Variants in AFF1 observed in about 807,000 individuals in gnomAD.
The protein encoded by AFF1 is AF4/FMR2 family member 1.
In AFF1, 48 loss-of-function variants were observed where a neutral mutation model predicts 121.7. The observed-to-expected ratio is 0.39, with a 90% CI of 0.31 to 0.50. The LOEUF (loss-of-function observed/expected upper bound fraction) is 0.50. Among genes scored for constraint, AFF1 ranks in the 20% least tolerant of loss-of-function variants. The pLI is 0.76. For missense variants in AFF1, 1,523 were observed against 1,511.7 expected, an observed-to-expected ratio of 1.01 and a Z score of -0.12; for synonymous variants, 613 against 563.0, an observed-to-expected ratio of 1.09 and a Z score of -1.26.
At chr4:87,129,439 G>A (rs183297227) in intron 16 of AFF1, among the ~76,000 whole-genome samples, 10 of 152,332 alleles carry the variant, frequency 6.6e-5, no homozygotes, top group Non-Finnish European at 8.8e-5. Flanking sequence ...AAAGGAAATG[G>A]ATATTGACAA....
intron 4 of AFF1, among the ~76,000 whole-genome samples, chr4:87,065,378 A>C (rs1205764166): frequency 6.6e-6 from 1 of 152,114 alleles, no homozygotes; most frequent in East Asian, 1.9e-4. Flanking sequence ...CCCTCCCACA[A>C]CACATGGGAA....
At chr4:87,031,157 G>T (rs77292061) in intron 2 of AFF1, among the ~76,000 whole-genome samples, 6,807 of 152,236 alleles carry the variant, frequency 0.045, 495 homozygotes, top group African/African-American at 0.15. Context: ...TCCCCACAGA[G>T]TATCAGGCAT....
chr4:87,108,904 AC>A (rs754717663), intron 11 of AFF1, among the ~76,000 whole-genome samples: 4 of 152,116 alleles, frequency 2.6e-5, no homozygotes, highest in Non-Finnish European at 5.9e-5. Context: ...CTTGTCACCC[AC>A]CCTCAGGAGA....
chr4:87,094,703 A>G lies in AFF1; in HGVS notation c.1229-212A>G, dbSNP rs74342763. Among the ~76,000 whole-genome samples the G allele has an allele frequency of 7.0e-3, 1,072 of 152,336 alleles. 14 individuals carry two copies. Among genetic ancestry groups the G allele is most frequent in the African/African-American group, 0.025 (1,026 of 41,562 alleles). On this transcript the variant is annotated intron_variant, in intron 7 of 20. Transcript: ENST00000395146. ...TCATAGGTAGGGTATGCTGCAAGCAATGATTTTCAGTGTTTTTGGCCTATT... is the reference window on the plus strand; with the variant it reads ...TCATAGGTAGGGTATGCTGCAAGCAGTGATTTTCAGTGTTTTTGGCCTATT...
At chr4:87,004,247 T>A (rs1400630874) in intron 2 of AFF1, among the ~76,000 whole-genome samples, 1 of 152,012 alleles carries the variant, frequency 6.6e-6, no homozygotes, top group African/African-American at 2.4e-5. Context: ...GCTCGATGAG[T>A]GTGGAGAGGT....
intron 1 of AFF1, among the ~76,000 whole-genome samples, 156 bp from the exon 2 acceptor site, chr4:86,948,338 CTAGA>C (rs1436125201): frequency 6.6e-6 from 1 of 152,104 alleles, no homozygotes; most frequent in African/African-American, 2.4e-5. Context: ...TTGATATATA[CTAGA>C]TAGTTTGTTC....
Position 87,136,419 on chromosome 4 carries a change from C to T in AFF1, c.*718C>T, listed in dbSNP as rs554388824. On this transcript the variant is annotated 3_prime_UTR_variant, in exon 21 of 21. Coordinates refer to ENST00000395146, the MANE Select transcript of AFF1 (RefSeq NM_001166693.3). ...CATTACTGTGCTGAAAGTCAGCCCA[C>T]GTCGGAGCGGTGAGGAGGAGCCACA... 6.0e-5 allele frequency: 14 copies of T among 232,422 alleles called. No homozygotes were observed. The highest frequency in any genetic ancestry group is 1.8e-4 in the African/African-American group (8 of 45,394). 14.4% of individuals were successfully genotyped at this position (232,422 alleles called of 1,614,324 possible).
intron 4 of AFF1, among the ~76,000 whole-genome samples, chr4:87,062,919 A>G (rs1031900982): frequency 2.6e-5 from 4 of 152,214 alleles, no homozygotes; most frequent in Admixed American, 6.5e-5. Flanking sequence ...TAGGCATTAT[A>G]TATAGGTAGT....
intron 2 of AFF1, among the ~76,000 whole-genome samples, chr4:86,972,964 G>A (rs75342146): frequency 0.019 from 2,871 of 152,224 alleles, 87 homozygotes; most frequent in African/African-American, 0.065. Flanking sequence ...TCTAGGTTAG[G>A]GCTAGTAGCC....
At chr4:86,989,855 G>A (rs1724562434) in intron 2 of AFF1, among the ~76,000 whole-genome samples, 2 of 152,294 alleles carry the variant, frequency 1.3e-5, no homozygotes, top group African/African-American at 4.8e-5. Flanking sequence ...CATAAAAAAG[G>A]ATCAGTTCAT....
chr4:87,134,036 A>G (rs899362283), intron 19 of AFF1, among the ~76,000 whole-genome samples: 2 of 152,246 alleles, frequency 1.3e-5, no homozygotes, highest in African/African-American at 4.8e-5. Context: ...AAATGTAAGA[A>G]AAGAGAGATG....
chr4:87,022,664 G>GTGTGTATATATAGC (rs1553918509), intron 2 of AFF1, among the ~76,000 whole-genome samples: 1 of 144,684 alleles, frequency 6.9e-6, no homozygotes, highest in African/African-American at 2.6e-5. Flanking sequence ...ATATATATGT[G>GTGTGTATATATAGC]TGTGTATATA....
At position 86,969,099 on chromosome 4, in the gene AFF1, G is replaced by C. The variant is rs1466114212; in HGVS notation, c.38+20528G>C. Among the ~76,000 whole-genome samples, 5 of 152,208 alleles carry C rather than the reference G, an allele frequency of 3.3e-5. 1 individual carries two copies. Among genetic ancestry groups the C allele is most frequent in the Admixed American group, 3.3e-4 (5 of 15,290 alleles). Reference sequence around the variant, plus strand: ...CTTGTTCCTTCAGGAATCTGCATCAGCTTCTGCTCAGTTCAGGATGTGTAG... The same window carrying C: ...CTTGTTCCTTCAGGAATCTGCATCACCTTCTGCTCAGTTCAGGATGTGTAG... On this transcript the variant is annotated intron_variant, in intron 2 of 20. Transcript: ENST00000395146.
chr4:87,109,320 G>A (rs547847052), intron 11 of AFF1, among the ~76,000 whole-genome samples: 1 of 152,300 alleles, frequency 6.6e-6, no homozygotes, highest in South Asian at 2.1e-4. Flanking sequence ...CTTGTCTGAG[G>A]GTGAGGGAGG....
At chr4:87,068,298 T>C (rs1327901526) in intron 4 of AFF1, among the ~76,000 whole-genome samples, 6 of 142,304 alleles carry the variant, frequency 4.2e-5, no homozygotes, top group East Asian at 2.3e-4. Flanking sequence ...TTATATCTTA[T>C]CTTACTAATG....
intron 7 of AFF1, among the ~76,000 whole-genome samples, chr4:87,094,644 G>A (rs1724644043): frequency 6.6e-6 from 1 of 152,224 alleles, no homozygotes; most frequent in African/African-American, 2.4e-5. Flanking sequence ...TCAAGGACAG[G>A]GAGGTCTTCC....
chr4:86,945,566 C>T (rs1235739641), intron 1 of AFF1, among the ~76,000 whole-genome samples: 2 of 137,808 alleles, frequency 1.5e-5, no homozygotes, highest in African/African-American at 5.5e-5. Flanking sequence ...TGGCACAGAT[C>T]ACAGTTCACT....
chr4:87,127,544 T>A, intron 15 of AFF1, 99 bp from the exon 16 acceptor site: 1 of 1,092,760 alleles, frequency 9.2e-7, no homozygotes, highest in Non-Finnish European at 1.4e-6. Context: ...TCTCCTCCCC[T>A]TGCTGTCCTC....
chr4:87,041,401 C>T (rs1226515967), intron 2 of AFF1, among the ~76,000 whole-genome samples: 2 of 152,140 alleles, frequency 1.3e-5, no homozygotes, highest in Non-Finnish European at 2.9e-5. Context: ...TCTTTTACCC[C>T]TGGAGATCCC....
Sources: gnomAD v4.1 joint callset for allele counts (sites outside exome capture counted in the v4.1 genomes callset) on GRCh38, gnomAD v4.1.1 for gene constraint, MANE v1.5 for transcripts, NCBI Gene and HGNC (gene_info 2026-07-23, HGNC 2026-07-21) for gene names.